BCAS3: variants seen among roughly 807,000 people sequenced by gnomAD.
The protein encoded by BCAS3 is BCAS4/BCAS3 fusion.
A neutral mutation model predicts 116.1 loss-of-function variants in BCAS3; 53 were observed. That is an observed-to-expected ratio of 0.46 (90% CI 0.37 to 0.57). The LOEUF is 0.57. Among genes scored for constraint, BCAS3 ranks in the 20% least tolerant of loss-of-function variants. BCAS3 has a pLI of 0.00. For synonymous variants in BCAS3, 391 were observed against 408.2 expected, an observed-to-expected ratio of 0.96 and a Z score of 0.51; for missense variants, 917 against 1,165.4, an observed-to-expected ratio of 0.79 and a Z score of 3.10.
chr17:61,162,324 GAGA>G lies in BCAS3; in HGVS notation c.2425+77763_2425+77765del, dbSNP rs1252368568. ...GGATAGGTAGGGAATCATTTCTCAG[GAGA>G]AGGAGAGCTTGCGAATGGAAGGGGT... On this transcript the variant is annotated intron_variant, in intron 22 of 23. Coordinates refer to ENST00000407086, the MANE Select transcript of BCAS3 (RefSeq NM_017679.5). This position sits in a 1 kb window ranked among gnomAD's most constrained non-coding sequence, Gnocchi z 5.6. 3.9e-5 allele frequency among the ~76,000 whole-genome samples: 6 copies of G among 152,264 alleles called. No individual in the cohort carries two copies. The South Asian group carries it at 1.0e-3, about 26-fold the overall frequency.
chr17:60,759,334 G>A (rs6503993), intron 6 of BCAS3, among the ~76,000 whole-genome samples: 110,402 of 152,120 alleles, frequency 0.73, 45,780 homozygotes, highest in South Asian at 0.98. Context: ...AATTCGCAGA[G>A]TGTATATTCT....
At chr17:61,312,486 T>C (rs2054392429) in intron 22 of BCAS3, among the ~76,000 whole-genome samples, 1 of 152,256 alleles carries the variant, frequency 6.6e-6, no homozygotes, top group African/African-American at 2.4e-5. Context: ...ATCTTGCCAC[T>C]GTGGCTGGCA....
chr17:60,799,560 A>T lies in BCAS3; in HGVS notation c.404-8444A>T, dbSNP rs544019927. Among the ~76,000 whole-genome samples the T allele has an allele frequency of 4.6e-5, 5 of 108,478 alleles. No homozygotes were observed. The South Asian group carries it at 8.3e-4, about 18-fold the overall frequency. The allele number at this position is 108,478 out of a possible 152,430, so 71.2% of individuals were successfully genotyped here. ...TTTTTTTTTTTGGAGACAGAGTCGT[A>T]CTCTGTCACCCAGGCTGGAGTGCAG... On this transcript the variant is annotated intron_variant, in intron 6 of 23. Transcript: ENST00000407086.
chr17:61,074,666 G>A (rs2071781044), intron 19 of BCAS3, among the ~76,000 whole-genome samples: 2 of 152,262 alleles, frequency 1.3e-5, no homozygotes, highest in Admixed American at 1.3e-4. Context: ...TTTGCTATTA[G>A]CATATGTAGT....
intron 22 of BCAS3, among the ~76,000 whole-genome samples, chr17:61,212,395 G>A (rs1044382080): frequency 1.3e-5 from 2 of 152,006 alleles, no homozygotes; most frequent in Non-Finnish European, 2.9e-5. Context: ...GGGCCACCAC[G>A]CCCAGCCTTG....
rs1227814762 is a variant in BCAS3 at position 61,241,535 on chromosome 17, C to T, written c.2426-126792C>T. Among the ~76,000 whole-genome samples, 1 of 151,618 alleles carries T rather than the reference C, an allele frequency of 6.6e-6. No individual in the cohort carries two copies. On this transcript the variant is annotated intron_variant, in intron 22 of 23. Coordinates refer to ENST00000407086, the MANE Select transcript of BCAS3 (RefSeq NM_017679.5). The surrounding 1 kb of genome is among the most constrained non-coding windows in gnomAD (Gnocchi z 4.6). ...GACCATCCTCGCTAACACGGTGAAA[C>T]CCCACCTCTACTAAAAAAAAATTAC...
chr17:60,887,163 G>A (rs1179746290), intron 9 of BCAS3: 3 of 152,220 alleles, frequency 2.0e-5, no homozygotes, highest in Non-Finnish European at 2.9e-5. Flanking sequence ...CGTTTTTTAA[G>A]CCGGTCTGAA....
Position 61,128,770 on chromosome 17 carries a change from G to A in BCAS3, c.2425+44206G>A, listed in dbSNP as rs1269838006. On this transcript the variant is annotated intron_variant, in intron 22 of 23. Transcript: ENST00000407086. This position sits in a 1 kb window ranked among gnomAD's most constrained non-coding sequence, Gnocchi z 4.1. ...CTAGCTGGTAGAATTTTTTCCCCCA[G>A]GAAAAAAAAATCGGCAACTTTTGGT... Among the ~76,000 whole-genome samples the A allele has an allele frequency of 6.6e-6, 1 of 151,640 alleles. No homozygotes were observed. The highest frequency in any genetic ancestry group is 1.5e-5 in the Non-Finnish European group (1 of 67,912).
chr17:60,834,001 A>G (rs1476840131), intron 7 of BCAS3, among the ~76,000 whole-genome samples: 1 of 151,344 alleles, frequency 6.6e-6, no homozygotes, highest in Non-Finnish European at 1.5e-5. Context: ...ATAACTGCAT[A>G]TTATCATTAG....
chr17:61,046,145 A>G (rs60310214), intron 19 of BCAS3, among the ~76,000 whole-genome samples: 7,707 of 100,044 alleles, frequency 0.077, 1,252 homozygotes, highest in African/African-American at 0.3. Flanking sequence ...CGCCAGTTTC[A>G]AGAGAATGCC....
rs187364945 is a variant in BCAS3 at position 61,388,659 on chromosome 17, G to A, written c.2594-3318G>A. 156 of 1,546,316 alleles carry A rather than the reference G, an allele frequency of 1.0e-4. 1 individual carries two copies. The African/African-American group carries it at 1.8e-3, about 18-fold the overall frequency. On this transcript the variant is annotated intron_variant, in intron 23 of 23. Coordinates refer to ENST00000407086, the MANE Select transcript of BCAS3 (RefSeq NM_017679.5). The surrounding 1 kb of genome is among the most constrained non-coding windows in gnomAD (Gnocchi z 6.5). ...AAAAAAACAATGCCAACAGCCCAGC[G>A]TCCGTGAGCAACCCAACAGTAACAA... is the stretch of plus-strand genomic sequence containing the variant.
At chr17:60,937,722 G>C (rs1416204029) in intron 13 of BCAS3, among the ~76,000 whole-genome samples, 1 of 152,068 alleles carries the variant, frequency 6.6e-6, no homozygotes, top group East Asian at 1.9e-4. Context: ...TCTGCTTCCT[G>C]TCTTATGCTG....
At position 61,200,383 on chromosome 17, in the gene BCAS3, T is replaced by C. The variant is rs1278552622; in HGVS notation, c.2425+115819T>C. 6.6e-6 allele frequency among the ~76,000 whole-genome samples: 1 copy of C among 152,248 alleles called. No individual in the cohort carries two copies. The highest frequency in any genetic ancestry group is 1.9e-4 in the East Asian group (1 of 5,204). ...CTAACATCAATTTGGCACTTACTAT[T>C]GACAAAGCATTATTTATTATTTTAT... On this transcript the variant is annotated intron_variant, in intron 22 of 23. Transcript: ENST00000407086. The surrounding 1 kb of genome is among the most constrained non-coding windows in gnomAD (Gnocchi z 5.1).
chr17:61,175,747 G>A (rs960751985), intron 22 of BCAS3, among the ~76,000 whole-genome samples: 25 of 152,070 alleles, frequency 1.6e-4, no homozygotes, highest in Non-Finnish European at 2.6e-4. Flanking sequence ...AGTATTTTCC[G>A]CTCACCCAAC....
At chr17:61,305,901 A>G (rs1259801942) in intron 22 of BCAS3, among the ~76,000 whole-genome samples, 1 of 152,160 alleles carries the variant, frequency 6.6e-6, no homozygotes, top group Non-Finnish European at 1.5e-5. Flanking sequence ...ATCTCAAATA[A>G]TAATAATAAT....
In BCAS3 at chr17:61,286,402, G is replaced by A. The variant is rs1036110996; in HGVS notation, c.2426-81925G>A. 2.6e-5 allele frequency among the ~76,000 whole-genome samples: 4 copies of A among 152,210 alleles called. No homozygotes were observed. The highest frequency in any genetic ancestry group is 5.9e-5 in the Non-Finnish European group (4 of 68,048). ...CTGGTGAAGTCTGGCGTGTGGAGAG[G>A]CCTCTGGTTATTGGGAGGCTGGTAA... On this transcript the variant is annotated intron_variant, in intron 22 of 23. Transcript: ENST00000407086. The surrounding 1 kb of genome is among the most constrained non-coding windows in gnomAD (Gnocchi z 4.8).
intron 14 of BCAS3, among the ~76,000 whole-genome samples, chr17:60,950,268 G>C (rs868620561): frequency 6.6e-6 from 1 of 152,160 alleles, no homozygotes; most frequent in Non-Finnish European, 1.5e-5. Flanking sequence ...GGGTTGGTTA[G>C]ATAATAGGAC....
Position 61,128,672 on chromosome 17 carries a change from G to A in BCAS3, c.2425+44108G>A, listed in dbSNP as rs976032729. 2.8e-5 allele frequency: 25 copies of A among 884,264 alleles called. No homozygotes were observed. Among genetic ancestry groups the A allele is most frequent in the Admixed American group, 6.2e-5 (1 of 16,102 alleles). The allele number at this position is 884,264 out of a possible 1,614,324, so 54.8% of individuals were successfully genotyped here. A position where few individuals can be genotyped will look rare whatever the true frequency, so the allele number is the denominator to read the frequency against. ...CCCTCTTTTGTATTGTTTCTGCATC[G>A]TCCTGTCAAACATCTGGAAACCAGC... On this transcript the variant is annotated intron_variant, in intron 22 of 23. Transcript: ENST00000407086. This position sits in a 1 kb window ranked among gnomAD's most constrained non-coding sequence, Gnocchi z 4.1.
At chr17:61,231,424 C>A (rs73326883) in intron 22 of BCAS3, among the ~76,000 whole-genome samples, 14,722 of 152,156 alleles carry the variant, frequency 0.097, 1,242 homozygotes, top group African/African-American at 0.23. Flanking sequence ...GCTTTATCTC[C>A]ATTTTACAGA....
Sources: allele counts gnomAD v4.1 joint callset (sites outside exome capture counted in the v4.1 genomes callset), GRCh38; gene constraint gnomAD v4.1.1; non-coding constraint Gnocchi (gnomAD v3.1); transcripts MANE v1.5; gene names NCBI Gene and HGNC (gene_info 2026-07-23, HGNC 2026-07-21).